The following RHCE variants were observed in gnomAD, a reference collection of about 807,000 sequenced individuals.
The protein encoded by RHCE is Rh blood group CcEe antigens, also known as blood group Rh(CE) polypeptide.
In RHCE, 22 loss-of-function variants were observed where a neutral mutation model predicts 43.8. The ratio of observed to expected loss-of-function variants is 0.50; its 90% CI spans 0.36 to 0.72. The LOEUF (loss-of-function observed/expected upper bound fraction) is 0.72. Ranked by LOEUF, RHCE falls within the 30% of genes least tolerant of loss-of-function variation. The probability of loss-of-function intolerance (pLI) is 0.00; values close to 1 mark genes in which losing one functional copy is unlikely to be tolerated. For synonymous variants in RHCE, 156 were observed against 210.7 expected, an observed-to-expected ratio of 0.74 and a Z score of 2.25; for missense variants, 385 against 525.4, an observed-to-expected ratio of 0.73 and a Z score of 2.61.
At position 25,390,656 on chromosome 1, in the gene RHCE, C is replaced by G. The variant is rs534821153; in HGVS notation, c.801+93G>C. ...CTCCACCACCCGGCATGCCCTCTCC[C>G]AACCCACGCTGGCCCTGGGGTGGGG... On this transcript the variant is annotated intron_variant, in intron 5 of 9. Coordinates refer to ENST00000294413, the MANE Select transcript of RHCE (RefSeq NM_020485.8). The G allele has an allele frequency of 1.0e-5, 15 of 1,464,444 alleles. No homozygotes were observed. The African/African-American group carries it at 1.8e-4, about 18-fold the overall frequency. The allele number at this position is 1,464,444 out of a possible 1,614,324, so 90.7% of individuals were successfully genotyped here.
Position 25,402,626 on chromosome 1 carries a change from G to A in RHCE, c.456C>T (p.Thr152=), listed in dbSNP as rs145999823. ...AGATATTACTGATGACCATCCTCAGGGTGCCTAAAGCTGTCACCTCCACCA... is the reference window on the plus strand; with the variant it reads ...AGATATTACTGATGACCATCCTCAGAGTGCCTAAAGCTGTCACCTCCACCA... ...MVLVEVTALG[T]LRMVISNIFN... Residue 152 remains threonine, a synonymous_variant, in exon 3 of 10, where the codon ACC becomes ACT. Coordinates refer to ENST00000294413, the MANE Select transcript of RHCE (RefSeq NM_020485.8). 3.1e-5 allele frequency: 50 copies of A among 1,613,928 alleles called. No homozygotes were observed. In the African/African-American group the frequency reaches 5.5e-4, roughly 18 times the overall value.
At chr1:25,372,373 GC>G (rs1645636405) in intron 8 of RHCE, among the ~76,000 whole-genome samples, 1 of 151,554 alleles carries the variant, frequency 6.6e-6, no homozygotes, top group Non-Finnish European at 1.5e-5. Context: ...TACAAAATTA[GC>G]CGGGCGTGGT....
At chr1:25,370,206 T>C (rs1240912850) in intron 9 of RHCE, among the ~76,000 whole-genome samples, 1 of 151,580 alleles carries the variant, frequency 6.6e-6, no homozygotes, top group Non-Finnish European at 1.5e-5. Flanking sequence ...AGGGGAAGTG[T>C]GGCCAGTGAA....
intron 3 of RHCE, among the ~76,000 whole-genome samples, chr1:25,396,718 C>G (rs1646549339): frequency 6.6e-6 from 1 of 152,186 alleles, no homozygotes; most frequent in Admixed American, 6.5e-5. Context: ...GGGGAAACCA[C>G]CCCTGTGATC....
chr1:25,415,440 G>C (rs1336583735), intron 1 of RHCE, among the ~76,000 whole-genome samples: 6 of 152,220 alleles, frequency 3.9e-5, no homozygotes, highest in Non-Finnish European at 7.3e-5. Flanking sequence ...ATCACCTGAG[G>C]TTGGGAGTTC....
At chr1:25,401,277 G>C (rs1430550073) in intron 3 of RHCE, among the ~76,000 whole-genome samples, 8 of 152,148 alleles carry the variant, frequency 5.3e-5, no homozygotes, top group African/African-American at 1.9e-4. Context: ...TACAGACGAA[G>C]AAACTAAAGC....
At position 25,391,983 on chromosome 1, in the gene RHCE, C is replaced by T. The variant is rs367815430; in HGVS notation, c.634+11G>A. The stretch of plus-strand genomic sequence containing the variant: ...CCAAGTATGAGACCACTCACCCCAC[C>T]TTGTCCTTACCCAGCATGGCAGACA... On this transcript the variant is annotated intron_variant, in intron 4 of 9. Transcript: ENST00000294413. 9.7e-5 allele frequency: 157 copies of T among 1,613,548 alleles called. No individual in the cohort carries two copies. Among genetic ancestry groups the T allele is most frequent in the Non-Finnish European group, 1.3e-4 (151 of 1,180,002 alleles).
At chr1:25,382,104 T>C (rs1242732967) in intron 7 of RHCE, among the ~76,000 whole-genome samples, 1 of 151,046 alleles carries the variant, frequency 6.6e-6, no homozygotes, top group Non-Finnish European at 1.5e-5. Context: ...CTCAGATTTC[T>C]CTTTCTCTTC....
Position 25,376,689 on chromosome 1 carries a change from T to C in RHCE, c.1074-1261A>G, listed in dbSNP as rs1032536987. On this transcript the variant is annotated intron_variant, in intron 7 of 9. Transcript: ENST00000294413. ...CCGCACTTTGGGAGGCCGAGGCGGGTGGATCATGAGGTCAGGAGATGGAGA... is the reference window on the plus strand; with the variant it reads ...CCGCACTTTGGGAGGCCGAGGCGGGCGGATCATGAGGTCAGGAGATGGAGA... 7.3e-4 allele frequency among the ~76,000 whole-genome samples: 110 copies of C among 151,630 alleles called. 1 individual carries two copies. Among genetic ancestry groups the C allele is most frequent in the South Asian group, 2.7e-3 (13 of 4,802 alleles).
At chr1:25,427,347 T>C (rs1466624835) in intron 2 of RHCE, among the ~76,000 whole-genome samples, 3 of 152,238 alleles carry the variant, frequency 2.0e-5, no homozygotes, top group African/African-American at 7.2e-5. Context: ...AATTCCTCTG[T>C]AGGCCTTGGT....
At chr1:25,412,458 A>T (rs2124516423) in intron 1 of RHCE, among the ~76,000 whole-genome samples, 1 of 152,288 alleles carries the variant, frequency 6.6e-6, no homozygotes, top group South Asian at 2.1e-4. Flanking sequence ...CACACCTGTA[A>T]TCCCAGCACT....
chr1:25,405,748 T>A (rs191870651), intron 2 of RHCE, among the ~76,000 whole-genome samples: 1 of 123,668 alleles, frequency 8.1e-6, no homozygotes, highest in Admixed American at 8.7e-5. Flanking sequence ...GTTATCAGTA[T>A]GTGAGGAAAA....
chr1:25,408,014 G>A lies in RHCE; in HGVS notation c.335+669C>T, dbSNP rs1409769007. 2.4e-5 allele frequency among the ~76,000 whole-genome samples: 3 copies of A among 123,574 alleles called. 1 individual carries two copies. Among genetic ancestry groups the A allele is most frequent in the Non-Finnish European group, 3.7e-5 (2 of 54,074 alleles). 81.1% of individuals were successfully genotyped at this position (123,574 alleles called of 152,430 possible). On this transcript the variant is annotated intron_variant, in intron 2 of 9. Transcript: ENST00000294413. ...CAAGAGAATGTCTCTCAGGCTGGACGCGGTGGCTCATGCCTGTAATCCCAG... is the reference window on the plus strand; with the variant it reads ...CAAGAGAATGTCTCTCAGGCTGGACACGGTGGCTCATGCCTGTAATCCCAG...
rs1219339981 is a variant in RHCE at position 25,419,491 on chromosome 1, G to A, written c.148+1148C>T. Reference sequence around the variant, plus strand: ...TCTCTTTGCTTCCAGTTAACTAGCCGTTCATATCAACCTAGGAACAAGCAA... The same window carrying A: ...TCTCTTTGCTTCCAGTTAACTAGCCATTCATATCAACCTAGGAACAAGCAA... On this transcript the variant is annotated intron_variant, in intron 1 of 9. Transcript: ENST00000294413. Among the ~76,000 whole-genome samples, 8 of 152,052 alleles carry A rather than the reference G, an allele frequency of 5.3e-5. No individual in the cohort carries two copies. In the South Asian group the frequency reaches 6.2e-4, roughly 12 times the overall value.
At chr1:25,386,474 T>C (rs1028718218) in intron 6 of RHCE, among the ~76,000 whole-genome samples, 2 of 152,294 alleles carry the variant, frequency 1.3e-5, no homozygotes, top group Non-Finnish European at 2.9e-5. Flanking sequence ...TGTGGACACA[T>C]ATGCAAATTC....
chr1:25,404,093 G>A (rs573791558), intron 2 of RHCE, among the ~76,000 whole-genome samples: 3 of 149,478 alleles, frequency 2.0e-5, no homozygotes, highest in Non-Finnish European at 3.0e-5. Flanking sequence ...GCTTGAACCC[G>A]GGAGGCAGAG....
chr1:25,380,799 G>A (rs1180825757), intron 7 of RHCE, among the ~76,000 whole-genome samples: 1 of 151,894 alleles, frequency 6.6e-6, no homozygotes, highest in African/African-American at 2.4e-5. Context: ...GTAATGGGAG[G>A]GGCAGTCTTG....
intron 1 of RHCE, among the ~76,000 whole-genome samples, chr1:25,412,056 G>A (rs1046809469): frequency 9.2e-5 from 14 of 152,184 alleles, no homozygotes; most frequent in African/African-American, 3.4e-4. Flanking sequence ...ACATTGTAAG[G>A]AAGACCTTCA....
intron 1 of RHCE, chr1:25,411,429 A>G: frequency 1.9e-6 from 3 of 1,550,200 alleles, no homozygotes; most frequent in South Asian, 2.4e-5. Flanking sequence ...TCTTTGATTT[A>G]TAAAGTACAT....
Sources: gnomAD v4.1 joint callset for allele counts (sites outside exome capture counted in the v4.1 genomes callset) on GRCh38, gnomAD v4.1.1 for gene constraint, MANE v1.5 for transcripts, NCBI Gene and HGNC (gene_info 2026-07-23, HGNC 2026-07-21) for gene names.